The following COG6 variants were observed in gnomAD, a reference collection of about 807,000 sequenced individuals.
COG6 encodes the protein component of oligomeric golgi complex 6.
COG6 carries 74 observed loss-of-function variants against 88.8 expected under a neutral mutation model. That is an observed-to-expected ratio of 0.83 (90% CI 0.69 to 1.01). COG6 has a LOEUF of 1.01. COG6 is among the 50% of genes least tolerant of loss of function. The pLI, the probability that COG6 is intolerant of heterozygous loss-of-function variation, is 0.00. For missense variants in COG6, 800 were observed against 797.9 expected, an observed-to-expected ratio of 1.00 and a Z score of -0.03; for synonymous variants, 286 against 278.7, an observed-to-expected ratio of 1.03 and a Z score of -0.26.
intron 10 of COG6, among the ~76,000 whole-genome samples, chr13:39,689,394 A>T (rs1017100770): frequency 7.2e-5 from 11 of 152,302 alleles, no homozygotes; most frequent in African/African-American, 2.4e-4. Context: ...CTGGAACAAG[A>T]TGTTTGTAAA....
chr13:39,732,920 A>G (rs903929292), intron 18 of COG6, among the ~76,000 whole-genome samples: 1 of 152,152 alleles, frequency 6.6e-6, no homozygotes, highest in African/African-American at 2.4e-5. Flanking sequence ...ATTATTGAAA[A>G]CCAGTGATAA....
In COG6 at chr13:39,687,561, G is replaced by A; in HGVS notation, c.847G>A (p.Asp283Asn). ...RRSTVVRGFI[D>N]ALTRGGPGGT... is the part of the protein sequence containing the mutation. ...AAGTACAGTTGTTCGTGGATTTATTGATGCGCTCACAAGAGGGGGCCCCGG... is the reference window on the plus strand; with the variant it reads ...AAGTACAGTTGTTCGTGGATTTATTAATGCGCTCACAAGAGGGGGCCCCGG... Residue 283 changes from aspartate (D) to asparagine (N), a missense_variant, in exon 9 of 19, where the codon GAT becomes AAT. Asp to Asn is a conservative substitution (Grantham distance 23). Transcript: ENST00000455146. 1 of 1,613,212 alleles carries A rather than the reference G, an allele frequency of 6.2e-7. No individual in the cohort carries two copies. Among genetic ancestry groups the A allele is most frequent in the South Asian group, 1.1e-5 (1 of 91,002 alleles).
At chr13:39,788,028 T>C (rs951551718) in intron 18 of COG6, among the ~76,000 whole-genome samples, 12 of 152,204 alleles carry the variant, frequency 7.9e-5, no homozygotes, top group Non-Finnish European at 1.5e-4. Context: ...TTCCTTGCTA[T>C]GGAATTTCAG....
chr13:39,671,992 G>A (rs1875672889), intron 4 of COG6, among the ~76,000 whole-genome samples: 1 of 151,916 alleles, frequency 6.6e-6, no homozygotes, highest in Non-Finnish European at 1.5e-5. Flanking sequence ...AATGCTCTTT[G>A]TACCCACTCC....
chr13:39,689,844 C>T lies in COG6; in HGVS notation c.1074+20C>T, dbSNP rs777341108. On this transcript the variant is annotated intron_variant, in intron 11 of 18. Coordinates refer to ENST00000455146, the MANE Select transcript of COG6 (RefSeq NM_020751.3). ...CTAAAGGTAAAATATTTTGTTTTTA[C>T]ATATGCTATATGGTACCTGCTTAAA... 9.3e-6 allele frequency: 14 copies of T among 1,500,776 alleles called. No homozygotes were observed. The highest frequency in any genetic ancestry group is 7.4e-6 in the Non-Finnish European group (8 of 1,077,690). 93.0% of individuals were successfully genotyped at this position (1,500,776 alleles called of 1,614,324 possible). A position where few individuals can be genotyped will look rare whatever the true frequency, so the allele number is the denominator to read the frequency against.
intron 18 of COG6, among the ~76,000 whole-genome samples, chr13:39,731,628 T>C (rs1879460112): frequency 6.6e-6 from 1 of 151,994 alleles, no homozygotes; most frequent in Non-Finnish European, 1.5e-5. Flanking sequence ...TATGGGAAAA[T>C]GGGTAAGTTT....
intron 8 of COG6, among the ~76,000 whole-genome samples, chr13:39,683,342 T>C (rs1377393064): frequency 6.6e-6 from 1 of 152,118 alleles, no homozygotes; most frequent in Non-Finnish European, 1.5e-5. Context: ...TCCTAAGGAA[T>C]TAGGTATAAA....
At chr13:39,790,718 T>C (rs745987246) in exon 19 of COG6, 12 of 152,118 alleles carry the variant, frequency 7.9e-5, no homozygotes, top group Admixed American at 2.0e-4. Flanking sequence ...TGAATCTTCC[T>C]GTTTGAGATT....
At chr13:39,761,195 A>G (rs1229815023) in intron 18 of COG6, among the ~76,000 whole-genome samples, 2 of 151,930 alleles carry the variant, frequency 1.3e-5, no homozygotes, top group African/African-American at 2.4e-5. Flanking sequence ...AAACACTGTA[A>G]TTTTCTTCAT....
At position 39,783,197 on chromosome 13, in the gene COG6, A is replaced by T. The variant is rs1412992752; in HGVS notation, c.1827-5138A>T. Among the ~76,000 whole-genome samples, 3 of 152,350 alleles carry T rather than the reference A, an allele frequency of 2.0e-5. No individual in the cohort carries two copies. In the East Asian group the frequency reaches 5.8e-4, roughly 29 times the overall value. The stretch of plus-strand genomic sequence containing the variant: ...GGTCTTACATATTTTCAAATAACAA[A>T]TAATAATTCATTCTCTTTATTCCTG... On this transcript the variant is annotated intron_variant, in intron 18 of 18. Coordinates refer to the COG6 transcript ENST00000416691.
At chr13:39,683,423 G>A (rs76642883) in intron 8 of COG6, among the ~76,000 whole-genome samples, 2,458 of 152,252 alleles carry the variant, frequency 0.016, 56 homozygotes, top group African/African-American at 0.053. Context: ...TGAGGGAACA[G>A]TAATGCAAAG....
At chr13:39,718,045 G>C (rs900044710) in intron 13 of COG6, among the ~76,000 whole-genome samples, 1 of 151,978 alleles carries the variant, frequency 6.6e-6, no homozygotes, top group Admixed American at 6.6e-5. Flanking sequence ...GTCTTTGAAC[G>C]TATCTAAAAT....
intron 12 of COG6, 91 bp from the exon 13 acceptor site, chr13:39,699,410 A>G: frequency 1.5e-6 from 1 of 648,406 alleles, no homozygotes; most frequent in South Asian, 1.8e-5. Flanking sequence ...ACTTTTATTT[A>G]AATCTAGATC....
intron 4 of COG6, among the ~76,000 whole-genome samples, chr13:39,666,819 A>G (rs964328056): frequency 2.0e-5 from 3 of 152,242 alleles, no homozygotes; most frequent in African/African-American, 7.2e-5. Context: ...AGAAAATGTG[A>G]CAAAATTAGC....
intron 18 of COG6, among the ~76,000 whole-genome samples, chr13:39,733,191 T>G (rs992372981): frequency 2.3e-4 from 33 of 144,762 alleles, no homozygotes; most frequent in Middle Eastern, 3.6e-3. Flanking sequence ...AAAGAATTCT[T>G]TTTTTTTTTT....
downstream of COG6, among the ~76,000 whole-genome samples, chr13:39,753,621 T>C (rs969112274): frequency 6.6e-6 from 1 of 152,072 alleles, no homozygotes; most frequent in African/African-American, 2.4e-5. Context: ...CCTTCCTTGT[T>C]TTGTACTTGA....
At chr13:39,660,010 C>A (rs935733727) in intron 2 of COG6, among the ~76,000 whole-genome samples, 4 of 152,000 alleles carry the variant, frequency 2.6e-5, no homozygotes, top group Non-Finnish European at 2.9e-5. Flanking sequence ...GTTATTATAT[C>A]TTTATTATGT....
chr13:39,731,798 A>G (rs1298335689), intron 18 of COG6, among the ~76,000 whole-genome samples: 1 of 152,110 alleles, frequency 6.6e-6, no homozygotes, highest in Non-Finnish European at 1.5e-5. Flanking sequence ...GAATATCCAT[A>G]TAGACAAAAA....
chr13:39,766,677 A>G (rs917255490), intron 18 of COG6, among the ~76,000 whole-genome samples: 1 of 152,128 alleles, frequency 6.6e-6, no homozygotes, highest in East Asian at 1.9e-4. Context: ...AGATTTTCTA[A>G]TTCTTTCTGT....
Sources: allele counts gnomAD v4.1 joint callset (sites outside exome capture counted in the v4.1 genomes callset), GRCh38; gene constraint gnomAD v4.1.1; transcripts MANE v1.5; gene names NCBI Gene and HGNC (gene_info 2026-07-23, HGNC 2026-07-21).